The following ALKBH1 variants were observed in gnomAD, a reference collection of about 807,000 sequenced individuals.
ALKBH1 encodes nucleic acid dioxygenase ALKBH1.
A neutral mutation model predicts 36.6 loss-of-function variants in ALKBH1; 31 were observed. The ratio of observed to expected loss-of-function variants is 0.85; its 90% CI spans 0.64 to 1.14. ALKBH1 has a LOEUF of 1.14. ALKBH1 is among the 50% of genes most tolerant of loss of function. The probability of loss-of-function intolerance (pLI) is 0.00; values close to 1 mark genes in which losing one functional copy is unlikely to be tolerated. For missense variants in ALKBH1, 490 were observed against 497.3 expected, an observed-to-expected ratio of 0.99 and a Z score of 0.14; for synonymous variants, 183 against 186.6, an observed-to-expected ratio of 0.98 and a Z score of 0.16.
intron 4 of ALKBH1, 22 bp downstream of exon 4, chr14:77,679,854 CAAAA>C: frequency 6.3e-7 from 1 of 1,580,838 alleles, no homozygotes; most frequent in Middle Eastern, 1.7e-4. Context: ...AAACAGAAAA[CAAAA>C]GAATTAAGAA....
intron 3 of ALKBH1, among the ~76,000 whole-genome samples, chr14:77,686,647 CAG>C (rs1311434201): frequency 1.3e-5 from 2 of 152,100 alleles, no homozygotes; most frequent in East Asian, 1.9e-4. Context: ...TTTTTTGAGA[CAG>C]AGTCTCGTTT....
At chr14:77,684,143 A>C (rs2080254586) in intron 3 of ALKBH1, among the ~76,000 whole-genome samples, 1 of 152,148 alleles carries the variant, frequency 6.6e-6, no homozygotes, top group Admixed American at 6.5e-5. Flanking sequence ...ATCATCTAGA[A>C]GGCTTGTTGA....
Position 77,675,843 on chromosome 14 carries a change from A to G in ALKBH1, c.553T>C (p.Ser185Pro). The G allele has an allele frequency of 6.2e-7, 1 of 1,612,484 alleles. No individual in the cohort carries two copies. Among genetic ancestry groups the G allele is most frequent in the Non-Finnish European group, 8.5e-7 (1 of 1,178,540 alleles). The part of the protein sequence containing the change: ...YHYNWDSKKY[S>P]ADHYTPFPSD... ...GGGAAAGGTGTGTAATGATCTGCTG[A>G]GTATTTCTTTGGTAAATGTAGAGAG... The change falls in exon 5 of 6, where the codon TCA becomes CCA. Residue 185 changes from serine to proline, a missense_variant. Ser to Pro is a moderately conservative substitution (Grantham distance 74, BLOSUM62 -1). Transcript: ENST00000216489.
At chr14:77,677,744 AG>A (rs2080213676) in intron 4 of ALKBH1, among the ~76,000 whole-genome samples, 1 of 152,226 alleles carries the variant, frequency 6.6e-6, no homozygotes, top group South Asian at 2.1e-4. Context: ...ACTGTAAATT[AG>A]AAGAGTTCCT....
chr14:77,696,883 GC>G (rs1566816533), intron 2 of ALKBH1: 6 of 152,868 alleles, frequency 3.9e-5, no homozygotes, highest in African/African-American at 1.4e-4. Flanking sequence ...CTTTTGACAA[GC>G]ACTGAGGAAG....
intron 3 of ALKBH1, among the ~76,000 whole-genome samples, chr14:77,693,608 T>G (rs1376952069): frequency 1.3e-5 from 2 of 152,208 alleles, no homozygotes; most frequent in Non-Finnish European, 2.9e-5. Flanking sequence ...CAGTAGAGAC[T>G]TTTTACTTTT....
At chr14:77,695,205 A>T (rs2080320612) in intron 2 of ALKBH1, among the ~76,000 whole-genome samples, 1 of 152,210 alleles carries the variant, frequency 6.6e-6, no homozygotes. Context: ...CTTGACACTT[A>T]GAGTCATCCG....
rs1595045508 is a variant in ALKBH1, at chr14:77,674,027, C to T, written c.955G>A (p.Val319Ile). The T allele has an allele frequency of 1.9e-6, 3 of 1,614,180 alleles. No homozygotes were observed. The highest frequency in any genetic ancestry group is 1.7e-6 in the Non-Finnish European group (2 of 1,180,038). The change falls in exon 6 of 6, where the codon GTA becomes ATA. Residue 319 changes from valine to isoleucine, a missense_variant. Val to Ile is a conservative substitution (Grantham distance 29, BLOSUM62 3). Coordinates refer to ENST00000216489, the MANE Select transcript of ALKBH1 (RefSeq NM_006020.3). ...CAGTCCTCCATAGAACAAGGCTCTA[C>T]CATTGAATCTCTCGGGAGGACAGCA... ...LPAVLPRDSMVEPCSMEDWQV... is the reference protein window; with the variant it reads ...LPAVLPRDSMIEPCSMEDWQV...
intron 3 of ALKBH1, among the ~76,000 whole-genome samples, chr14:77,680,959 AGCC>A (rs1357385767): frequency 6.6e-6 from 1 of 151,978 alleles, no homozygotes; most frequent in African/African-American, 2.4e-5. Flanking sequence ...TACAGGCGTG[AGCC>A]ACCACAACTG....
At chr14:77,702,705 G>C (rs1217994833) in intron 2 of ALKBH1, among the ~76,000 whole-genome samples, 1 of 151,930 alleles carries the variant, frequency 6.6e-6, no homozygotes, top group Non-Finnish European at 1.5e-5. Flanking sequence ...AATTGCAGAC[G>C]AATCTATTCT....
At chr14:77,684,495 TGGATTACA>T (rs1179675029) in intron 3 of ALKBH1, among the ~76,000 whole-genome samples, 1 of 151,990 alleles carries the variant, frequency 6.6e-6, no homozygotes, top group Non-Finnish European at 1.5e-5. Flanking sequence ...CCAAGGAGCT[TGGATTACA>T]GGCATGCACC....
chr14:77,686,242 C>A (rs1241730349), intron 3 of ALKBH1, among the ~76,000 whole-genome samples: 2 of 152,174 alleles, frequency 1.3e-5, no homozygotes, highest in African/African-American at 4.8e-5. Context: ...GCTTCCGGAT[C>A]ATTTTTAAGC....
chr14:77,706,044 G>A (rs1329895918), intron 1 of ALKBH1, among the ~76,000 whole-genome samples: 2 of 151,880 alleles, frequency 1.3e-5, no homozygotes, highest in Non-Finnish European at 2.9e-5. Flanking sequence ...GACACAGTGA[G>A]ACGCTGTCTC....
chr14:77,705,411 G>GAAAAAA (rs56123313), intron 1 of ALKBH1, among the ~76,000 whole-genome samples: 15 of 113,360 alleles, frequency 1.3e-4, no homozygotes, highest in African/African-American at 3.4e-4. Flanking sequence ...CTCCGTCTAA[G>GAAAAAA]AAAAAAAAAA....
At chr14:77,701,745 T>C (rs923118785) in intron 2 of ALKBH1, among the ~76,000 whole-genome samples, 13 of 152,062 alleles carry the variant, frequency 8.5e-5, no homozygotes, top group African/African-American at 2.4e-4. Context: ...AAATACAGCT[T>C]ATAGGGGAAA....
At chr14:77,697,697 T>TAA (rs57516221) in intron 2 of ALKBH1, among the ~76,000 whole-genome samples, 2,202 of 104,872 alleles carry the variant, frequency 0.021, 31 homozygotes, top group African/African-American at 0.027. Flanking sequence ...TTTGCTGTAA[T>TAA]AAAAAAAAAA....
At chr14:77,707,454 A>G (rs2080401094) in intron 1 of ALKBH1, among the ~76,000 whole-genome samples, 1 of 152,184 alleles carries the variant, frequency 6.6e-6, no homozygotes, top group Admixed American at 6.5e-5. Context: ...CAGTTCTGGG[A>G]TTCCTCGGGA....
Position 77,704,448 on chromosome 14 carries a change from A to T in ALKBH1, c.213T>A (p.Ser71=). ...CTCTATATGCATTCTGCTCACTGAC[A>T]GAAGACACATTTAGCTGAGATTTGA... ...KVIKSQLNVS[S]VSEQNAYRAG... The change falls in exon 2 of 6, where the codon TCT becomes TCA. Residue 71 remains serine (S), a synonymous_variant. Coordinates refer to ENST00000216489, the MANE Select transcript of ALKBH1 (RefSeq NM_006020.3). 6.2e-7 allele frequency: 1 copy of T among 1,614,194 alleles called. No homozygotes were observed. The highest frequency in any genetic ancestry group is 8.5e-7 in the Non-Finnish European group (1 of 1,180,012).
At chr14:77,688,832 A>G (rs1257682563) in intron 3 of ALKBH1, among the ~76,000 whole-genome samples, 1 of 152,078 alleles carries the variant, frequency 6.6e-6, no homozygotes, top group Non-Finnish European at 1.5e-5. Flanking sequence ...TTGACCTCCC[A>G]AAGTGCTGGG....
Sources: gnomAD v4.1 joint callset for allele counts (sites outside exome capture counted in the v4.1 genomes callset) on GRCh38, gnomAD v4.1.1 for gene constraint, MANE v1.5 for transcripts, NCBI Gene and HGNC (gene_info 2026-07-23, HGNC 2026-07-21) for gene names.